NDUFB7: variants seen among roughly 807,000 people sequenced by gnomAD.
NDUFB7 encodes NADH:ubiquinone oxidoreductase subunit B7, also known as NADH dehydrogenase [ubiquinone] 1 beta subcomplex subunit 7.
In NDUFB7, 18 loss-of-function variants were observed where a neutral mutation model predicts 14.7. The ratio of observed to expected loss-of-function variants is 1.22; its 90% CI spans 0.85 to 1.81. The LOEUF (loss-of-function observed/expected upper bound fraction) is 1.81. Ranked by LOEUF, NDUFB7 falls within the 40% of genes most tolerant of loss-of-function variation. The pLI, the probability that NDUFB7 is intolerant of heterozygous loss-of-function variation, is 0.00. For missense variants in NDUFB7, 219 were observed against 195.0 expected, an observed-to-expected ratio of 1.12 and a Z score of -0.73; for synonymous variants, 86 against 76.1, an observed-to-expected ratio of 1.13 and a Z score of -0.68.
rs756885072 is a variant in NDUFB7, at chr19:14,572,032, C to A, written c.-32G>T. 2 of 1,518,500 alleles carry A rather than the reference C, an allele frequency of 1.3e-6. No homozygotes were observed. The highest frequency in any genetic ancestry group is 2.4e-5 in the East Asian group (1 of 41,952). 94.1% of individuals were successfully genotyped at this position (1,518,500 alleles called of 1,614,324 possible). On this transcript the variant is annotated 5_prime_UTR_variant, in exon 1 of 3. Transcript: ENST00000215565. ...AGTCGCTGCAGATCCCTGCAGCAGC[C>A]GAGGGTCACCTAGCTCCTACCCGGA...
At chr19:14,570,469 G>A (rs1390827314) in intron 1 of NDUFB7, among the ~76,000 whole-genome samples, 1 of 151,968 alleles carries the variant, frequency 6.6e-6, no homozygotes. Flanking sequence ...CAAAGTGCTG[G>A]GATTATGGGT....
chr19:14,566,328 G>A, intron 2 of NDUFB7, 63 bp from the exon 3 acceptor site: 1 of 1,607,404 alleles, frequency 6.2e-7, no homozygotes, highest in Non-Finnish European at 8.5e-7. Flanking sequence ...CCCAAGCCCT[G>A]GGAAGCGGAG....
intron 1 of NDUFB7, 123 bp downstream of exon 1, chr19:14,571,766 G>A: frequency 1.1e-6 from 1 of 916,098 alleles, no homozygotes; most frequent in Non-Finnish European, 1.7e-6. Flanking sequence ...TCCTAGTCTA[G>A]ACCCAAACCC....
chr19:14,571,874 C>T lies in NDUFB7; in HGVS notation c.112+15G>A. 2.5e-6 allele frequency: 4 copies of T among 1,599,400 alleles called. No individual in the cohort carries two copies. The highest frequency in any genetic ancestry group is 1.1e-5 in the South Asian group (1 of 88,956). ...GCCCCACGCCCTCTGGCTGCGCCTG[C>T]GCACTGGGCCTCACCGCGCTCCTTG... On this transcript the variant is annotated intron_variant, in intron 1 of 2. Coordinates refer to ENST00000215565, the MANE Select transcript of NDUFB7 (RefSeq NM_004146.6).
At position 14,567,770 on chromosome 19, in the gene NDUFB7, A is replaced by G. The variant is rs887795380; in HGVS notation, c.113-837T>C. Among the ~76,000 whole-genome samples, 3 of 152,014 alleles carry G rather than the reference A, an allele frequency of 2.0e-5. No individual in the cohort carries two copies. The highest frequency in any genetic ancestry group is 4.4e-5 in the Non-Finnish European group (3 of 67,984). On this transcript the variant is annotated intron_variant, in intron 1 of 2. Transcript: ENST00000215565. The surrounding 1 kb of genome is among the most constrained non-coding windows in gnomAD (Gnocchi z 5.1). The stretch of plus-strand genomic sequence containing the variant: ...TGAGACGAGATATATTCACATCTCA[A>G]TGGCAGTCGTCCCCTGCTGGCTTCT...
intron 1 of NDUFB7, among the ~76,000 whole-genome samples, chr19:14,570,664 T>C (rs186467665): frequency 1.3e-5 from 2 of 152,298 alleles, no homozygotes; most frequent in East Asian, 1.9e-4. Context: ...TTCCAGCCAC[T>C]GCCTCTTGGA....
rs149936746 is a variant in NDUFB7, at chr19:14,571,973, G to A, written c.28C>T (p.Leu10=). MGAHLVRRY[L]GDASVEPDPL... ...TCGGGCTCCACCGAGGCATCGCCCA[G>A]GTAGCGCCGGACCAGGTGGGCCCCC... The change falls in exon 1 of 3, where the codon CTG becomes TTG. Residue 10 remains leucine, a synonymous_variant. Transcript: ENST00000215565. 560 of 1,608,702 alleles carry A rather than the reference G, an allele frequency of 3.5e-4. 3 individuals carry two copies. The African/African-American group carries it at 6.5e-3, about 19-fold the overall frequency.
Position 14,566,116 on chromosome 19 carries a change from G to A in NDUFB7, c.*17C>T, listed in dbSNP as rs2074078101. 1 of 1,603,846 alleles carries A rather than the reference G, an allele frequency of 6.2e-7. No individual in the cohort carries two copies. The highest frequency in any genetic ancestry group is 1.7e-5 in the Admixed American group (1 of 58,350). ...AGGCTTTTATTTGACTGGTCCATAGGGTGGGGGGTGCACCCCCTACAGGGC... is the reference window on the plus strand; with the variant it reads ...AGGCTTTTATTTGACTGGTCCATAGAGTGGGGGGTGCACCCCCTACAGGGC... On this transcript the variant is annotated 3_prime_UTR_variant, in exon 3 of 3. Transcript: ENST00000215565.
At chr19:14,568,350 G>A (rs956332968) in intron 1 of NDUFB7, among the ~76,000 whole-genome samples, 5 of 152,090 alleles carry the variant, frequency 3.3e-5, no homozygotes, top group African/African-American at 1.2e-4. Flanking sequence ...CGGCCTGAGA[G>A]CCTTTTTCTC....
intron 1 of NDUFB7, among the ~76,000 whole-genome samples, chr19:14,569,815 T>C (rs1417707208): frequency 6.6e-6 from 1 of 152,200 alleles, no homozygotes; most frequent in Non-Finnish European, 1.5e-5. Context: ...ACTGATTGTG[T>C]CCCTCCTCTG....
Position 14,571,917 on chromosome 19 carries a change from G to C in NDUFB7, c.84C>G (p.Asp28Glu). The C allele has an allele frequency of 6.2e-7, 1 of 1,612,060 alleles. No individual in the cohort carries two copies. The highest frequency in any genetic ancestry group is 8.5e-7 in the Non-Finnish European group (1 of 1,179,480). The stretch of plus-strand genomic sequence containing the variant: ...GCTCCTTGCGTTCGGGGAAGCCGTA[G>C]TCTGGCGGGAAGGTTGGCATCTGCA... ...DPLQMPTFPP[D>E]YGFPERKERE... Residue 28 changes from aspartate to glutamate, a missense_variant, in exon 1 of 3, where the codon GAC (aspartate) becomes GAG (glutamate). Physicochemically the swap from Asp to Glu is conservative, Grantham distance 45 (BLOSUM62 2). Coordinates refer to ENST00000215565, the MANE Select transcript of NDUFB7 (RefSeq NM_004146.6).
Position 14,567,449 on chromosome 19 carries a change from T to C in NDUFB7, c.113-516A>G, listed in dbSNP as rs903999440. ...GAACTGACCATCCGGTCATGGAAGT[T>C]ACCCGAGCATCCACTGAGCTAACAG... On this transcript the variant is annotated intron_variant, in intron 1 of 2. Coordinates refer to ENST00000215565, the MANE Select transcript of NDUFB7 (RefSeq NM_004146.6). The surrounding 1 kb of genome is among the most constrained non-coding windows in gnomAD (Gnocchi z 5.1). 3.3e-5 allele frequency among the ~76,000 whole-genome samples: 5 copies of C among 152,140 alleles called. No homozygotes were observed. Among genetic ancestry groups the C allele is most frequent in the African/African-American group, 1.2e-4 (5 of 41,424 alleles).
intron 2 of NDUFB7, 110 bp downstream of exon 2, chr19:14,566,655 G>C (rs2074089065): frequency 5.1e-6 from 5 of 971,788 alleles, no homozygotes; most frequent in Non-Finnish European, 7.4e-6. Context: ...TGGGAGGGGG[G>C]CTTGGGCGGG....
At position 14,567,601 on chromosome 19, in the gene NDUFB7, T is replaced by G. The variant is rs543940710; in HGVS notation, c.113-668A>C. Among the ~76,000 whole-genome samples the G allele has an allele frequency of 6.6e-5, 10 of 152,050 alleles. No individual in the cohort carries two copies. The highest frequency in any genetic ancestry group is 2.2e-4 in the African/African-American group (9 of 41,476). On this transcript the variant is annotated intron_variant, in intron 1 of 2. Coordinates refer to ENST00000215565, the MANE Select transcript of NDUFB7 (RefSeq NM_004146.6). This position sits in a 1 kb window ranked among gnomAD's most constrained non-coding sequence, Gnocchi z 5.1. ...CTTCAGGAGGGGGCCGATGGGAGCA[T>G]GAGGAATCCTGGACACTCACCCCGG... is the stretch of plus-strand genomic sequence containing the variant.
In NDUFB7 at chr19:14,567,992, C is replaced by T. The variant is rs1048498515; in HGVS notation, c.113-1059G>A. 1.3e-5 allele frequency among the ~76,000 whole-genome samples: 2 copies of T among 152,212 alleles called. No individual in the cohort carries two copies. Among genetic ancestry groups the T allele is most frequent in the African/African-American group, 4.8e-5 (2 of 41,472 alleles). The stretch of plus-strand genomic sequence containing the variant: ...TGTGGCTCCTCCCACATCCCTCCTC[C>T]CCAGGTTTCCTCCCATCTCTATGGC... On this transcript the variant is annotated intron_variant, in intron 1 of 2. Transcript: ENST00000215565. The surrounding 1 kb of genome is among the most constrained non-coding windows in gnomAD (Gnocchi z 5.1).
chr19:14,570,071 T>C (rs972411024), intron 1 of NDUFB7, among the ~76,000 whole-genome samples: 3 of 152,014 alleles, frequency 2.0e-5, no homozygotes, highest in Admixed American at 2.0e-4. Flanking sequence ...TTTGTATTTT[T>C]AGTAGAGTAG....
At chr19:14,566,402 G>A in intron 2 of NDUFB7, 137 bp from the exon 3 acceptor site, 1 of 1,395,728 alleles carries the variant, frequency 7.2e-7, no homozygotes, top group Non-Finnish European at 9.7e-7. Context: ...CCTGTGGCTT[G>A]GGTCTGGGGT....
At chr19:14,571,849 G>GC (rs2074126943) in intron 1 of NDUFB7, 40 bp downstream of exon 1, 2 of 1,569,368 alleles carry the variant, frequency 1.3e-6, no homozygotes, top group Admixed American at 1.9e-5. Context: ...AGGCACCCGC[G>GC]CCCCACGCCC....
At chr19:14,566,959 C>T in intron 1 of NDUFB7, 26 bp from the exon 2 acceptor site, 1 of 1,555,176 alleles carries the variant, frequency 6.4e-7, no homozygotes, top group Non-Finnish European at 8.7e-7. Flanking sequence ...GGGGCTCAAC[C>T]AGGCTGGAGG....
Sources: gnomAD v4.1 joint callset for allele counts (sites outside exome capture counted in the v4.1 genomes callset) on GRCh38, gnomAD v4.1.1 for gene constraint, Gnocchi (gnomAD v3.1) non-coding constraint, MANE v1.5 for transcripts, NCBI Gene and HGNC (gene_info 2026-07-23, HGNC 2026-07-21) for gene names.